CCDC192: variants seen among roughly 807,000 people sequenced by gnomAD.
The protein encoded by CCDC192 is coiled-coil domain containing 192.
chr5:127,733,869 C>T (rs906869214), intron 2 of CCDC192, among the ~76,000 whole-genome samples: 2 of 149,422 alleles, frequency 1.3e-5, no homozygotes, highest in Non-Finnish European at 3.0e-5. Context: ...GTTTCCAATA[C>T]ATTTTTTATT....
chr5:127,727,260 G>T (rs989417153), intron 2 of CCDC192, among the ~76,000 whole-genome samples: 2 of 152,154 alleles, frequency 1.3e-5, no homozygotes, highest in Non-Finnish European at 1.5e-5. Flanking sequence ...ATCTTCTGAG[G>T]TCGGGAGGTC....
chr5:127,756,366 A>T (rs989195283), intron 3 of CCDC192, among the ~76,000 whole-genome samples: 1 of 152,146 alleles, frequency 6.6e-6, no homozygotes, highest in South Asian at 2.1e-4. Context: ...GCATTCAGGG[A>T]TCAGAGTTTT....
intron 6 of CCDC192, among the ~76,000 whole-genome samples, 163 bp downstream of exon 6, chr5:127,875,824 C>G (rs558768203): frequency 6.6e-6 from 1 of 152,080 alleles, no homozygotes; most frequent in Non-Finnish European, 1.5e-5. Flanking sequence ...GCTGGATTCA[C>G]TTTCACCTTG....
At chr5:127,784,373 C>T (rs572266980) in intron 3 of CCDC192, among the ~76,000 whole-genome samples, 5 of 152,218 alleles carry the variant, frequency 3.3e-5, no homozygotes, top group South Asian at 2.1e-4. Context: ...GTGGGAGGTT[C>T]GGTCTTCTCT....
At chr5:127,871,188 G>T (rs1751845299) in intron 5 of CCDC192, among the ~76,000 whole-genome samples, 1 of 152,218 alleles carries the variant, frequency 6.6e-6, no homozygotes, top group African/African-American at 2.4e-5. Flanking sequence ...TCTGGCAGGA[G>T]ATTGAATCAA....
chr5:127,704,693 A>G (rs1750860107), intron 1 of CCDC192, among the ~76,000 whole-genome samples: 1 of 152,184 alleles, frequency 6.6e-6, no homozygotes, highest in African/African-American at 2.4e-5. Flanking sequence ...GGCTTTATCC[A>G]TTTATTAAAG....
Position 127,846,400 on chromosome 5 carries a change from G to A in CCDC192, c.412-29138G>A, listed in dbSNP as rs144573373. On this transcript the variant is annotated intron_variant, in intron 5 of 6. Transcript: ENST00000514853. Reference sequence around the variant, plus strand: ...TTAAAACTGGACTTATTTTGCACCCGTTTTCACCCCACACACCCCTTACGC... The same window carrying A: ...TTAAAACTGGACTTATTTTGCACCCATTTTCACCCCACACACCCCTTACGC... 8.2e-4 allele frequency among the ~76,000 whole-genome samples: 124 copies of A among 151,944 alleles called. 1 individual carries two copies. The East Asian group carries it at 0.021, about 25-fold the overall frequency.
intron 5 of CCDC192, among the ~76,000 whole-genome samples, chr5:127,864,806 A>T (rs1303542372): frequency 6.6e-6 from 1 of 152,208 alleles, no homozygotes; most frequent in African/African-American, 2.4e-5. Flanking sequence ...TTCACTTGCA[A>T]CATCACACTC....
intron 3 of CCDC192, among the ~76,000 whole-genome samples, chr5:127,759,511 G>T (rs1190835248): frequency 6.6e-6 from 1 of 152,150 alleles, no homozygotes; most frequent in African/African-American, 2.4e-5. Flanking sequence ...AGATCTGTTG[G>T]TGCCTTGATC....
chr5:127,720,872 G>A (rs1486755364), intron 2 of CCDC192, among the ~76,000 whole-genome samples: 1 of 152,210 alleles, frequency 6.6e-6, no homozygotes, highest in African/African-American at 2.4e-5. Context: ...CCTTAAGATG[G>A]CTGGGCCTGG....
intron 2 of CCDC192, among the ~76,000 whole-genome samples, chr5:127,718,154 G>C (rs1394628127): frequency 6.6e-6 from 1 of 151,992 alleles, no homozygotes; most frequent in Non-Finnish European, 1.5e-5. Flanking sequence ...TGGGCAAGAC[G>C]ACCTATTTCA....
At chr5:127,754,120 C>A in intron 2 of CCDC192, 148 bp from the exon 3 acceptor site, 1 of 385,176 alleles carries the variant, frequency 2.6e-6, no homozygotes, top group Non-Finnish European at 4.6e-6. Context: ...GTTTTATTTC[C>A]ATGTTAAGAA....
At chr5:127,754,725 A>G (rs1280816482) in intron 3 of CCDC192, among the ~76,000 whole-genome samples, 1 of 152,260 alleles carries the variant, frequency 6.6e-6, no homozygotes, top group Non-Finnish European at 1.5e-5. Flanking sequence ...TTTGCATTAT[A>G]AACAGATAAG....
intron 6 of CCDC192, among the ~76,000 whole-genome samples, chr5:127,912,511 A>G (rs1179323441): frequency 6.7e-6 from 1 of 149,558 alleles, no homozygotes; most frequent in African/African-American, 2.5e-5. Context: ...TTTAGAGCTT[A>G]CTCTGGGAAG....
rs527687659 is a variant in CCDC192 at position 127,788,005 on chromosome 5, C to T, written c.223-9098C>T. On this transcript the variant is annotated intron_variant, in intron 3 of 6. Transcript: ENST00000514853. Reference sequence around the variant, plus strand: ...GCTGAGGCAGGAGAACCTCTTGAACCTGGGAGGTGGAGGTTATAGTGAGCC... The same window carrying T: ...GCTGAGGCAGGAGAACCTCTTGAACTTGGGAGGTGGAGGTTATAGTGAGCC... 6.9e-5 allele frequency among the ~76,000 whole-genome samples: 10 copies of T among 144,384 alleles called. No homozygotes were observed. The East Asian group carries it at 2.0e-3, about 29-fold the overall frequency. The allele number at this position is 144,384 out of a possible 152,430, so 94.7% of individuals were successfully genotyped here. A position where few individuals can be genotyped will look rare whatever the true frequency, so the allele number is the denominator to read the frequency against.
chr5:127,768,901 T>C (rs545916594), intron 3 of CCDC192, among the ~76,000 whole-genome samples: 33 of 152,356 alleles, frequency 2.2e-4, no homozygotes, highest in African/African-American at 7.7e-4. Flanking sequence ...GCCAATGTTA[T>C]TTACTGCCAG....
chr5:127,866,895 A>C (rs1426953380), intron 5 of CCDC192, among the ~76,000 whole-genome samples: 1 of 152,150 alleles, frequency 6.6e-6, no homozygotes, highest in African/African-American at 2.4e-5. Flanking sequence ...TGTTTTCTCT[A>C]ATTTCTCCTG....
chr5:127,714,903 C>T (rs527971024), intron 2 of CCDC192, among the ~76,000 whole-genome samples: 9 of 151,710 alleles, frequency 5.9e-5, no homozygotes, highest in African/African-American at 1.2e-4. Context: ...AAAAAATATA[C>T]GTGTTAGCAA....
chr5:127,752,306 T>G (rs1461411854), intron 2 of CCDC192, among the ~76,000 whole-genome samples: 2 of 152,188 alleles, frequency 1.3e-5, no homozygotes, highest in Non-Finnish European at 2.9e-5. Context: ...GGATGTCCTT[T>G]CTGTTTGTTA....
Sources: allele counts gnomAD v4.1 joint callset (sites outside exome capture counted in the v4.1 genomes callset), GRCh38; gene constraint gnomAD v4.1.1; transcripts MANE v1.5; gene names NCBI Gene and HGNC (gene_info 2026-07-23, HGNC 2026-07-21).